RIMKLB: variants seen among roughly 807,000 people sequenced by gnomAD.
The protein encoded by RIMKLB is beta-citrylglutamate synthase B.
RIMKLB carries 7 observed loss-of-function variants against 32.0 expected under a neutral mutation model. That is an observed-to-expected ratio of 0.22 (90% CI 0.12 to 0.41). The LOEUF (loss-of-function observed/expected upper bound fraction) is 0.41, where lower values mean the gene tolerates loss of function less well. Among genes scored for constraint, RIMKLB ranks in the 10% least tolerant of loss-of-function variants. The pLI, the probability that RIMKLB is intolerant of heterozygous loss-of-function variation, is 1.00. For missense variants in RIMKLB, 289 were observed against 498.7 expected (o/e 0.58, Z 4.00); for synonymous variants, 172 against 185.1 (o/e 0.93, Z 0.57).
intron 2 of RIMKLB, among the ~76,000 whole-genome samples, chr12:8,743,354 C>CA (rs60066068): frequency 0.27 from 16,885 of 63,340 alleles, 1,862 homozygotes; most frequent in Non-Finnish European, 0.35. Context: ...GAGTCTGTCT[C>CA]AAAAAAAAAA....
intron 1 of RIMKLB, among the ~76,000 whole-genome samples, chr12:8,684,419 C>T (rs7955500): frequency 0.039 from 5,988 of 152,200 alleles, 340 homozygotes; most frequent in African/African-American, 0.12. Context: ...GTGATCCACC[C>T]GCCCCCGCCT....
At chr12:8,707,244 A>C (rs990444982) in intron 1 of RIMKLB, among the ~76,000 whole-genome samples, 3 of 152,100 alleles carry the variant, frequency 2.0e-5, no homozygotes, top group Non-Finnish European at 2.9e-5. Context: ...CATGCCCCCC[A>C]CCAGTACAGG....
chr12:8,669,617 C>A, the RIMKLB span, among the ~76,000 whole-genome samples: 1 of 151,596 alleles, frequency 6.6e-6, no homozygotes, highest in Non-Finnish European at 1.5e-5. Context: ...AAATTATATA[C>A]CTCCTTTGGA....
the RIMKLB span, among the ~76,000 whole-genome samples, chr12:8,671,817 A>G: frequency 3.9e-4 from 60 of 152,114 alleles, no homozygotes; most frequent in African/African-American, 1.2e-3. Flanking sequence ...GGAGGCTGAG[A>G]TGGAGAATTG....
At chr12:8,723,208 C>T (rs149989822) in intron 2 of RIMKLB, among the ~76,000 whole-genome samples, 9 of 152,066 alleles carry the variant, frequency 5.9e-5, no homozygotes, top group African/African-American at 2.2e-4. Flanking sequence ...CTTTTTTGCC[C>T]TTGAACACTT....
intron 1 of RIMKLB, chr12:8,700,396 G>GC (rs2136680179): frequency 6.6e-6 from 1 of 152,384 alleles, no homozygotes; most frequent in East Asian, 1.9e-4. Context: ...CCCTCTCTAT[G>GC]AGCTGAAAGA....
At chr12:8,729,195 G>A (rs1227361446) in intron 2 of RIMKLB, among the ~76,000 whole-genome samples, 4 of 152,186 alleles carry the variant, frequency 2.6e-5, no homozygotes, top group Non-Finnish European at 4.4e-5. Context: ...GAGGGTCAGT[G>A]TGACAGCATT....
chr12:8,701,786 C>G (rs1327141681), intron 1 of RIMKLB, among the ~76,000 whole-genome samples: 3 of 151,848 alleles, frequency 2.0e-5, no homozygotes, highest in Non-Finnish European at 4.4e-5. Flanking sequence ...AGGCGGATCA[C>G]TTGAGGTCAG....
At chr12:8,739,923 T>TC (rs969214385) in intron 2 of RIMKLB, among the ~76,000 whole-genome samples, 2 of 152,130 alleles carry the variant, frequency 1.3e-5, no homozygotes, top group African/African-American at 4.8e-5. Flanking sequence ...TCTCTTTTTT[T>TC]CCCAGACAGG....
At chr12:8,692,636 A>G (rs913298501), upstream of RIMKLB, among the ~76,000 whole-genome samples, 11 of 152,286 alleles carry the variant, frequency 7.2e-5, 1 homozygote, top group Middle Eastern at 6.8e-3. Flanking sequence ...GATTCAGCCA[A>G]TGTATGGTCT....
At chr12:8,758,691 C>G (rs1387731573) in intron 5 of RIMKLB, among the ~76,000 whole-genome samples, 1 of 152,080 alleles carries the variant, frequency 6.6e-6, no homozygotes, top group Non-Finnish European at 1.5e-5. Flanking sequence ...TTTAATCTAC[C>G]TGAAATTGAT....
downstream of RIMKLB, chr12:8,779,809 G>T (rs1950927458): frequency 6.6e-6 from 1 of 152,094 alleles, no homozygotes; most frequent in Admixed American, 6.5e-5. Context: ...TGAACAAACA[G>T]AAGACGTTTA....
chr12:8,756,397 A>C (rs1949027045), intron 5 of RIMKLB, among the ~76,000 whole-genome samples: 1 of 152,180 alleles, frequency 6.6e-6, no homozygotes, highest in Admixed American at 6.5e-5. Context: ...CCAGATTCCT[A>C]CTTATCTCTC....
At chr12:8,683,205 A>G (rs543305228) in intron 1 of RIMKLB, among the ~76,000 whole-genome samples, 9 of 152,206 alleles carry the variant, frequency 5.9e-5, no homozygotes, top group Non-Finnish European at 7.3e-5. Context: ...AATTATGAAT[A>G]AAGCTGCTAT....
upstream of RIMKLB, chr12:8,697,706 T>C (rs1195625564): frequency 1.0e-5 from 3 of 292,774 alleles, no homozygotes; most frequent in South Asian, 2.4e-5. Context: ...GCGCGATCCA[T>C]CGCCTCTCTT....
chr12:8,763,056 CTT>C (rs1949665389), intron 5 of RIMKLB, among the ~76,000 whole-genome samples: 1 of 152,236 alleles, frequency 6.6e-6, no homozygotes, highest in South Asian at 2.1e-4. Context: ...CCACAAGTCT[CTT>C]TTAGCAGTGA....
chr12:8,685,251 T>C lies in RIMKLB; in HGVS notation n.219+3433T>C, dbSNP rs73247403. On this transcript the variant is annotated intron_variant and non_coding_transcript_variant, in intron 1 of 1. Transcript: ENST00000538758. ...AGCTTCCAGTTTCTCACCAACATGATGTTAGCTGTAGTTTCTTTGTAGATG... is the reference window on the plus strand; with the variant it reads ...AGCTTCCAGTTTCTCACCAACATGACGTTAGCTGTAGTTTCTTTGTAGATG... 2.9e-3 allele frequency among the ~76,000 whole-genome samples: 440 copies of C among 152,354 alleles called. 5 individuals carry two copies. The highest frequency in any genetic ancestry group is 9.9e-3 in the African/African-American group (413 of 41,592).
intron 5 of RIMKLB, among the ~76,000 whole-genome samples, chr12:8,760,738 G>A (rs141599116): frequency 0.013 from 2,011 of 152,298 alleles, 47 homozygotes; most frequent in African/African-American, 0.046. Flanking sequence ...CTGCATAAAT[G>A]ACTTCTTTTG....
chr12:8,687,752 A>G (rs1054783621), intron 1 of RIMKLB, among the ~76,000 whole-genome samples: 1 of 149,962 alleles, frequency 6.7e-6, no homozygotes, highest in Non-Finnish European at 1.5e-5. Flanking sequence ...ACCAGCCTAC[A>G]TTATTGTGTT....
Sources: allele counts gnomAD v4.1 joint callset (sites outside exome capture counted in the v4.1 genomes callset), GRCh38; gene constraint gnomAD v4.1.1; transcripts MANE v1.5; gene names NCBI Gene and HGNC (gene_info 2026-07-23, HGNC 2026-07-21).